UCK2: variants seen among roughly 807,000 people sequenced by gnomAD.
UCK2 encodes cytidine monophosphokinase 2.
In UCK2, 6 loss-of-function variants were observed where a neutral mutation model predicts 30.8. The observed-to-expected ratio is 0.19, with a 90% CI of 0.11 to 0.38. The LOEUF (loss-of-function observed/expected upper bound fraction) is 0.38. Among genes scored for constraint, UCK2 ranks in the 10% least tolerant of loss-of-function variants. The probability of loss-of-function intolerance (pLI) is 1.00; values close to 1 mark genes in which losing one functional copy is unlikely to be tolerated. For synonymous variants in UCK2, 125 were observed against 133.6 expected (o/e 0.94, Z 0.45); for missense variants, 210 against 339.8 (o/e 0.62, Z 3.00).
chr1:165,846,652 GGA>G (rs1158549507), intron 1 of UCK2, among the ~76,000 whole-genome samples: 1 of 152,138 alleles, frequency 6.6e-6, no homozygotes, highest in Non-Finnish European at 1.5e-5. Flanking sequence ...ATTTCACTGG[GGA>G]GAGTGTTTCA....
intron 3 of UCK2, among the ~76,000 whole-genome samples, chr1:165,893,791 C>T (rs553990099): frequency 8.5e-5 from 13 of 152,264 alleles, no homozygotes; most frequent in African/African-American, 2.4e-4. Flanking sequence ...AGTTTTTAGA[C>T]CTGCGTTTGG....
intron 1 of UCK2, among the ~76,000 whole-genome samples, chr1:165,858,424 C>G (rs1654808325): frequency 6.6e-6 from 1 of 152,170 alleles, no homozygotes. Flanking sequence ...CCCAGTCCAC[C>G]CCCTTGGGAG....
At chr1:165,906,194 C>T (rs1259734774) in intron 6 of UCK2, among the ~76,000 whole-genome samples, 3 of 152,176 alleles carry the variant, frequency 2.0e-5, no homozygotes, top group Non-Finnish European at 4.4e-5. Flanking sequence ...TTGTGCTTCT[C>T]TGGCAGAATA....
chr1:165,844,432 C>G (rs922215188), intron 1 of UCK2, among the ~76,000 whole-genome samples: 3 of 152,200 alleles, frequency 2.0e-5, no homozygotes, highest in African/African-American at 7.2e-5. Flanking sequence ...GATAGGGGCA[C>G]TAGGAGAACC....
chr1:165,838,008 A>C (rs545534852), intron 1 of UCK2, among the ~76,000 whole-genome samples: 1 of 152,344 alleles, frequency 6.6e-6, no homozygotes, highest in South Asian at 2.1e-4. Context: ...TGGGCTGGTA[A>C]GAGTGTTGAC....
At chr1:165,854,983 A>G (rs1010710056) in intron 1 of UCK2, among the ~76,000 whole-genome samples, 4 of 152,214 alleles carry the variant, frequency 2.6e-5, no homozygotes, top group Non-Finnish European at 4.4e-5. Flanking sequence ...AATTTTCTAG[A>G]TACTTTGTAC....
intron 1 of UCK2, among the ~76,000 whole-genome samples, chr1:165,866,031 G>A (rs903968733): frequency 6.6e-6 from 1 of 152,180 alleles, no homozygotes; most frequent in Non-Finnish European, 1.5e-5. Context: ...GGTAGTACGG[G>A]GAATAGGGAG....
chr1:165,848,717 G>A (rs1339522364), intron 1 of UCK2, among the ~76,000 whole-genome samples: 1 of 152,064 alleles, frequency 6.6e-6, no homozygotes, highest in East Asian at 1.9e-4. Context: ...TAGATGAGGA[G>A]TTTGGAATAC....
intron 1 of UCK2, among the ~76,000 whole-genome samples, chr1:165,854,036 G>T (rs1468423330): frequency 6.6e-6 from 1 of 152,212 alleles, no homozygotes. Flanking sequence ...TGTGTAGTCA[G>T]AAGTCCATGC....
At chr1:165,843,700 GC>G (rs766584247) in intron 1 of UCK2, among the ~76,000 whole-genome samples, 102 of 152,258 alleles carry the variant, frequency 6.7e-4, no homozygotes, top group Non-Finnish European at 1.3e-3. Flanking sequence ...ATCTGTGGAG[GC>G]CAGGAGTTTG....
chr1:165,861,650 C>G (rs10918296), intron 1 of UCK2, among the ~76,000 whole-genome samples: 1 of 52,364 alleles, frequency 1.9e-5, no homozygotes, highest in Non-Finnish European at 3.4e-5. Flanking sequence ...AAAAAAAAAA[C>G]AAAAAAAAAC....
chr1:165,851,760 A>G (rs1654603365), intron 1 of UCK2, among the ~76,000 whole-genome samples: 1 of 151,818 alleles, frequency 6.6e-6, no homozygotes, highest in Non-Finnish European at 1.5e-5. Flanking sequence ...CCCTACCCCC[A>G]GCAGGCCCTG....
At chr1:165,867,234 A>G (rs984160005) in intron 1 of UCK2, among the ~76,000 whole-genome samples, 10 of 152,360 alleles carry the variant, frequency 6.6e-5, no homozygotes, top group Admixed American at 3.9e-4. Flanking sequence ...AGCAAGTTGT[A>G]ATCTTTTTGC....
chr1:165,876,735 C>T (rs942805938), intron 1 of UCK2, among the ~76,000 whole-genome samples: 14 of 152,174 alleles, frequency 9.2e-5, no homozygotes, highest in African/African-American at 3.4e-4. Context: ...GTGCTGGAGG[C>T]TGTAAGACTG....
intron 3 of UCK2, 139 bp from the exon 4 acceptor site, chr1:165,896,051 G>C: frequency 9.0e-7 from 1 of 1,109,834 alleles, no homozygotes; most frequent in Admixed American, 2.1e-5. Flanking sequence ...GACCATATTA[G>C]CCAAGTCTTT....
At chr1:165,871,810 A>C (rs1212072744) in intron 1 of UCK2, among the ~76,000 whole-genome samples, 3 of 152,254 alleles carry the variant, frequency 2.0e-5, no homozygotes, top group African/African-American at 7.2e-5. Context: ...GTTTAACTGC[A>C]TCAATAAAGA....
chr1:165,840,374 C>G (rs1654298789), intron 1 of UCK2, among the ~76,000 whole-genome samples: 1 of 152,194 alleles, frequency 6.6e-6, no homozygotes, highest in South Asian at 2.1e-4. Context: ...CTCACTTAGT[C>G]ATTTTTTTGT....
chr1:165,903,416 C>G (rs1571302144), intron 5 of UCK2, 137 bp downstream of exon 5: 1 of 715,664 alleles, frequency 1.4e-6, no homozygotes, highest in East Asian at 2.9e-5. Flanking sequence ...TCCTGAAGTC[C>G]TAAGAGAGGG....
chr1:165,880,164 C>T (rs1655447985), intron 1 of UCK2, among the ~76,000 whole-genome samples: 2 of 152,226 alleles, frequency 1.3e-5, no homozygotes, highest in African/African-American at 4.8e-5. Context: ...CCAACTGGCA[C>T]ATTGTGCTCT....
Sources: gnomAD v4.1 joint callset for allele counts (sites outside exome capture counted in the v4.1 genomes callset) on GRCh38, gnomAD v4.1.1 for gene constraint, MANE v1.5 for transcripts, NCBI Gene and HGNC (gene_info 2026-07-23, HGNC 2026-07-21) for gene names.